The following RAB38 variants were observed in gnomAD, a reference collection of about 807,000 sequenced individuals.
RAB38 encodes RAB38, member RAS oncogene family.
In RAB38, 15 loss-of-function variants were observed where a neutral mutation model predicts 18.4. That is an observed-to-expected ratio of 0.82 (90% CI 0.55 to 1.26). The LOEUF (loss-of-function observed/expected upper bound fraction) is 1.26, where lower values mean the gene tolerates loss of function less well. RAB38 is among the 50% of genes most tolerant of loss of function. RAB38 has a pLI of 0.00. For missense variants in RAB38, 294 were observed against 267.4 expected (o/e 1.10, Z -0.69); for synonymous variants, 101 against 104.4 (o/e 0.97, Z 0.20).
chr11:88,087,956 A>T, the RAB38 span, among the ~76,000 whole-genome samples: 1 of 151,882 alleles, frequency 6.6e-6, no homozygotes, highest in Non-Finnish European at 1.5e-5. Context: ...TTTCTCCTTA[A>T]TATTACAGGA....
the RAB38 span, among the ~76,000 whole-genome samples, chr11:87,886,608 G>C: frequency 6.6e-6 from 1 of 151,822 alleles, no homozygotes; most frequent in Non-Finnish European, 1.5e-5. Flanking sequence ...GGCTATCAAG[G>C]TCAGGGGAAA....
the RAB38 span, among the ~76,000 whole-genome samples, chr11:88,047,578 T>A: frequency 1.3e-5 from 2 of 152,190 alleles, no homozygotes; most frequent in African/African-American, 2.4e-5. Flanking sequence ...GCTTTCCATA[T>A]CCTGCACCAC....
chr11:88,018,802 A>T, the RAB38 span, among the ~76,000 whole-genome samples: 4 of 152,176 alleles, frequency 2.6e-5, no homozygotes, highest in Non-Finnish European at 5.9e-5. Context: ...CATCTTTAGA[A>T]TTTGTATTTT....
chr11:88,077,379 A>T, the RAB38 span, among the ~76,000 whole-genome samples: 4 of 152,174 alleles, frequency 2.6e-5, no homozygotes, highest in African/African-American at 9.6e-5. Flanking sequence ...AGCTGGAGGA[A>T]TCACACTACC....
chr11:87,875,091 T>G, the RAB38 span, among the ~76,000 whole-genome samples: 1 of 151,582 alleles, frequency 6.6e-6, no homozygotes, highest in Non-Finnish European at 1.5e-5. Context: ...GGAATAATCT[T>G]TTAGATCTTG....
chr11:88,092,340 GAGA>G, the RAB38 span, among the ~76,000 whole-genome samples: 1 of 42,800 alleles, frequency 2.3e-5, no homozygotes, highest in Non-Finnish European at 4.8e-5. Flanking sequence ...GAGAGAGAGA[GAGA>G]GAGGGAGGGA....
the RAB38 span, among the ~76,000 whole-genome samples, chr11:88,088,946 A>C: frequency 1.2e-5 from 1 of 82,856 alleles, no homozygotes; most frequent in African/African-American, 5.2e-5. Flanking sequence ...ACAGGAGCTG[A>C]CAAAAAAAAA....
At chr11:88,121,752 C>CG (rs926716390) in intron 2 of RAB38, among the ~76,000 whole-genome samples, 79 of 152,248 alleles carry the variant, frequency 5.2e-4, no homozygotes, top group African/African-American at 1.9e-3. Context: ...TTAGTAGAGA[C>CG]GGGGTTTCAC....
At chr11:87,951,173 C>A in the RAB38 span, among the ~76,000 whole-genome samples, 1 of 152,126 alleles carries the variant, frequency 6.6e-6, no homozygotes, top group African/African-American at 2.4e-5. Flanking sequence ...TCCAGTTGAT[C>A]GCATCGGCTC....
the RAB38 span, among the ~76,000 whole-genome samples, chr11:88,007,348 C>A: frequency 1.2e-5 from 1 of 80,924 alleles, no homozygotes; most frequent in Non-Finnish European, 2.3e-5. Flanking sequence ...AATTCATAGT[C>A]TGAGAAAAAG....
chr11:88,103,445 T>C, the RAB38 span, among the ~76,000 whole-genome samples: 1 of 152,090 alleles, frequency 6.6e-6, no homozygotes, highest in African/African-American at 2.4e-5. Context: ...TCTAATCTTA[T>C]ATATTCTGTC....
the RAB38 span, among the ~76,000 whole-genome samples, chr11:88,020,400 TATG>T: frequency 6.6e-6 from 1 of 152,166 alleles, no homozygotes. Flanking sequence ...AGCAAGATGA[TATG>T]ATAATTATAC....
the RAB38 span, among the ~76,000 whole-genome samples, chr11:87,928,331 G>T: frequency 6.6e-6 from 1 of 151,702 alleles, no homozygotes; most frequent in Non-Finnish European, 1.5e-5. Flanking sequence ...AAAACCCTGG[G>T]GAGAGTCTCC....
At chr11:87,810,836 C>A in the RAB38 span, among the ~76,000 whole-genome samples, 1,027 of 151,492 alleles carry the variant, frequency 6.8e-3, 14 homozygotes, top group African/African-American at 0.024. Context: ...CCGGTGGATA[C>A]AGCAGTGTAT....
chr11:87,875,564 G>T, the RAB38 span, among the ~76,000 whole-genome samples: 1 of 151,502 alleles, frequency 6.6e-6, no homozygotes, highest in South Asian at 2.1e-4. Context: ...GTCAATTGGG[G>T]ATAATTTATA....
the RAB38 span, among the ~76,000 whole-genome samples, chr11:87,854,448 C>T: frequency 2.6e-5 from 4 of 152,092 alleles, no homozygotes; most frequent in Non-Finnish European, 4.4e-5. Flanking sequence ...ACAAACTTAA[C>T]ATTTGGTAGT....
At chr11:88,043,212 C>T in the RAB38 span, among the ~76,000 whole-genome samples, 1 of 152,140 alleles carries the variant, frequency 6.6e-6, no homozygotes, top group African/African-American at 2.4e-5. Context: ...TGCCTGTTTC[C>T]TCAAATAAAT....
chr11:88,035,000 G>A, the RAB38 span, among the ~76,000 whole-genome samples: 17 of 152,136 alleles, frequency 1.1e-4, no homozygotes, highest in East Asian at 1.9e-4. Context: ...TGTTAATGTC[G>A]TTTTTTAAGT....
the RAB38 span, among the ~76,000 whole-genome samples, chr11:88,089,549 C>G: frequency 6.6e-6 from 1 of 151,918 alleles, no homozygotes; most frequent in African/African-American, 2.4e-5. Context: ...TGTCTTCTTC[C>G]TAAGGTATTT....
Sources: gnomAD v4.1 joint callset for allele counts (sites outside exome capture counted in the v4.1 genomes callset) on GRCh38, gnomAD v4.1.1 for gene constraint, MANE v1.5 for transcripts, NCBI Gene and HGNC (gene_info 2026-07-23, HGNC 2026-07-21) for gene names.